TBC1D12: variants seen among roughly 807,000 people sequenced by gnomAD.
TBC1D12 encodes TBC1 domain family, member 12.
A neutral mutation model predicts 86.7 loss-of-function variants in TBC1D12; 56 were observed. That is an observed-to-expected ratio of 0.65 (90% CI 0.52 to 0.81). TBC1D12 has a LOEUF of 0.81. Ranked by LOEUF, TBC1D12 falls within the 30% of genes least tolerant of loss-of-function variation. The probability of loss-of-function intolerance (pLI) is 0.00; values close to 1 mark genes in which losing one functional copy is unlikely to be tolerated. For missense variants in TBC1D12, 1,023 were observed against 1,038.8 expected, an observed-to-expected ratio of 0.98 and a Z score of 0.21; for synonymous variants, 421 against 411.7, an observed-to-expected ratio of 1.02 and a Z score of -0.27.
chr10:94,500,644 TAGTC>T (rs1235714320), intron 6 of TBC1D12, among the ~76,000 whole-genome samples: 4 of 152,034 alleles, frequency 2.6e-5, no homozygotes, highest in East Asian at 1.9e-4. Flanking sequence ...AAAAAGAAAA[TAGTC>T]AATTATGAAA....
rs551482751 is a variant in TBC1D12, at chr10:94,402,936, C to A, written c.323C>A (p.Ala108Asp). The A allele has an allele frequency of 9.7e-6, 15 of 1,548,136 alleles. No individual in the cohort carries two copies. In the South Asian group the frequency reaches 1.7e-4, roughly 17 times the overall value. The change falls in exon 1 of 13, where the codon GCC becomes GAC. Residue 108 changes from alanine (A) to aspartate (D), a missense_variant. Ala to Asp is a moderately radical substitution (Grantham distance 126). Coordinates refer to ENST00000225235, the MANE Select transcript of TBC1D12 (RefSeq NM_015188.2). ...PPPSAAPRSD[A>D]CLLGSGSKHR... ...CCCTCGGCAGCCCCACGATCGGACG[C>A]CTGCCTGCTGGGCTCGGGCTCCAAA...
chr10:94,454,756 T>C (rs927854275), intron 2 of TBC1D12, among the ~76,000 whole-genome samples: 1 of 152,264 alleles, frequency 6.6e-6, no homozygotes, highest in African/African-American at 2.4e-5. Flanking sequence ...CTTGCTGTTA[T>C]TGCTTATTAG....
At chr10:94,530,001 CTGTTGAGTTTATTATA>C (rs905726880) in intron 11 of TBC1D12, among the ~76,000 whole-genome samples, 40 of 152,268 alleles carry the variant, frequency 2.6e-4, no homozygotes, top group Admixed American at 2.2e-3. Flanking sequence ...TTTCATGTCT[CTGTTGAGTTTATTATA>C]TACAAATCCC....
chr10:94,477,699 T>C (rs1006139035), intron 3 of TBC1D12, among the ~76,000 whole-genome samples: 2 of 152,188 alleles, frequency 1.3e-5, no homozygotes, highest in African/African-American at 4.8e-5. Context: ...TTGTGTCTTA[T>C]CTACTGGTAA....
chr10:94,415,500 G>A (rs1387055676), intron 1 of TBC1D12, among the ~76,000 whole-genome samples: 3 of 152,196 alleles, frequency 2.0e-5, no homozygotes, highest in East Asian at 1.9e-4. Flanking sequence ...TTGGGAGGCC[G>A]AGGCAGGCGG....
At chr10:94,496,550 A>G (rs2134181976) in intron 4 of TBC1D12, among the ~76,000 whole-genome samples, 1 of 152,326 alleles carries the variant, frequency 6.6e-6, no homozygotes, top group Non-Finnish European at 1.5e-5. Flanking sequence ...TTAGTTGCCC[A>G]CAGTTGTTTG....
chr10:94,518,059 AAGG>A (rs1429246006), intron 9 of TBC1D12, among the ~76,000 whole-genome samples: 3 of 151,874 alleles, frequency 2.0e-5, no homozygotes, highest in Admixed American at 1.3e-4. Context: ...AGGCTGAGGC[AAGG>A]AGAATTGCTT....
intron 2 of TBC1D12, among the ~76,000 whole-genome samples, chr10:94,452,160 A>T (rs1433460686): frequency 6.6e-6 from 1 of 151,896 alleles, no homozygotes; most frequent in Non-Finnish European, 1.5e-5. Context: ...GTAGGTTCAT[A>T]GCAGATTTGA....
At chr10:94,482,955 C>A (rs2134159539) in intron 3 of TBC1D12, among the ~76,000 whole-genome samples, 1 of 152,150 alleles carries the variant, frequency 6.6e-6, no homozygotes, top group Non-Finnish European at 1.5e-5. Flanking sequence ...CCATTTCCAT[C>A]CATATTGTTG....
intron 2 of TBC1D12, among the ~76,000 whole-genome samples, chr10:94,459,471 C>T (rs985323281): frequency 2.0e-5 from 3 of 152,258 alleles, no homozygotes; most frequent in African/African-American, 4.8e-5. Flanking sequence ...TGGAGCTGCC[C>T]GCCAGTACCG....
At chr10:94,469,777 C>G (rs953048363) in intron 2 of TBC1D12, among the ~76,000 whole-genome samples, 1 of 152,080 alleles carries the variant, frequency 6.6e-6, no homozygotes, top group African/African-American at 2.4e-5. Flanking sequence ...GGGGCACTTT[C>G]TTTTCTACTA....
At chr10:94,413,547 C>T (rs1334596) in intron 1 of TBC1D12, among the ~76,000 whole-genome samples, 26,318 of 152,074 alleles carry the variant, frequency 0.17, 2,500 homozygotes, top group African/African-American at 0.24. Flanking sequence ...TCTTATGCTT[C>T]TTATTTCTGT....
intron 6 of TBC1D12, among the ~76,000 whole-genome samples, chr10:94,505,716 A>G (rs1041909698): frequency 1.3e-5 from 2 of 152,166 alleles, no homozygotes; most frequent in Admixed American, 6.5e-5. Flanking sequence ...CTACTCAGAT[A>G]TTTGATAATG....
intron 1 of TBC1D12, among the ~76,000 whole-genome samples, chr10:94,422,346 C>T (rs1301853626): frequency 6.6e-6 from 1 of 151,884 alleles, no homozygotes; most frequent in Non-Finnish European, 1.5e-5. Context: ...TGTGCCACCA[C>T]ACCCAGCCAA....
intron 9 of TBC1D12, among the ~76,000 whole-genome samples, chr10:94,520,285 G>C (rs1052671455): frequency 1.3e-5 from 2 of 152,220 alleles, no homozygotes; most frequent in African/African-American, 2.4e-5. Context: ...GGGTGCAGTG[G>C]CTCACGCCTG....
chr10:94,411,274 T>C (rs576562838), intron 1 of TBC1D12, among the ~76,000 whole-genome samples: 11 of 152,248 alleles, frequency 7.2e-5, no homozygotes, highest in African/African-American at 2.6e-4. Context: ...GGAGGAGTAG[T>C]GAGAGAGAGA....
intron 2 of TBC1D12, among the ~76,000 whole-genome samples, chr10:94,453,421 G>C: frequency 6.6e-6 from 1 of 152,138 alleles, no homozygotes; most frequent in Non-Finnish European, 1.5e-5. Context: ...GAGTGTGTGA[G>C]AGAACACATT....
chr10:94,507,464 G>A (rs567143512), intron 7 of TBC1D12, 117 bp downstream of exon 7: 1 of 929,316 alleles, frequency 1.1e-6, no homozygotes, highest in Non-Finnish European at 1.6e-6. Context: ...AACCCTTTCA[G>A]TAAACAAGGC....
intron 3 of TBC1D12, among the ~76,000 whole-genome samples, chr10:94,477,912 A>C (rs1167028812): frequency 6.6e-6 from 1 of 152,194 alleles, no homozygotes; most frequent in Non-Finnish European, 1.5e-5. Context: ...TTAGATCTGC[A>C]AATTTCACCT....
Sources: gnomAD v4.1 joint callset for allele counts (sites outside exome capture counted in the v4.1 genomes callset) on GRCh38, gnomAD v4.1.1 for gene constraint, MANE v1.5 for transcripts, NCBI Gene and HGNC (gene_info 2026-07-23, HGNC 2026-07-21) for gene names.